NFAT5: variants seen among roughly 807,000 people sequenced by gnomAD.
The protein encoded by NFAT5 is nuclear factor of activated T cells 5, also known as nuclear factor of activated T-cells 5.
Under a neutral mutation model 166.5 loss-of-function variants are expected in NFAT5, and 31 were observed. The ratio of observed to expected loss-of-function variants is 0.19; its 90% CI spans 0.14 to 0.25. The LOEUF is 0.25. Among genes scored for constraint, NFAT5 ranks in the 10% least tolerant of loss-of-function variants. The probability of loss-of-function intolerance (pLI) is 1.00; values close to 1 mark genes in which losing one functional copy is unlikely to be tolerated. For synonymous variants in NFAT5, 612 were observed against 639.7 expected, an observed-to-expected ratio of 0.96 and a Z score of 0.65; for missense variants, 1,449 against 1,821.8, an observed-to-expected ratio of 0.80 and a Z score of 3.72.
chr16:69,626,477 C>A lies in NFAT5; in HGVS notation c.202C>A (p.Gln68Lys). 6.3e-7 allele frequency: 1 copy of A among 1,593,996 alleles called. No individual in the cohort carries two copies. Among genetic ancestry groups the A allele is most frequent in the South Asian group, 1.1e-5 (1 of 87,280 alleles). The change falls in exon 3 of 15, where the codon CAG (glutamine) becomes AAG (lysine). Residue 68 changes from glutamine to lysine, a missense_variant. By Grantham distance (53) the Gln-to-Lys change is moderately conservative. This residue lies in a region of NFAT5 where 172 missense variants were observed against 194.5 expected (regional missense o/e 0.88). Coordinates refer to ENST00000349945, the MANE Select transcript of NFAT5 (RefSeq NM_138713.4). ...AGAAACATCTGTAGCATCAATGAGT[C>A]AGACAAGCGGTGGTGAGGCAGGCTC... is the stretch of plus-strand genomic sequence containing the variant. ...SRETSVASMS[Q>K]TSGGEAGSPP...
chr16:69,608,938 G>C (rs924348526), intron 2 of NFAT5, among the ~76,000 whole-genome samples: 1 of 151,680 alleles, frequency 6.6e-6, no homozygotes, highest in Non-Finnish European at 1.5e-5. Context: ...TGGCTAACAC[G>C]GTGAAAACCC....
intron 2 of NFAT5, among the ~76,000 whole-genome samples, chr16:69,574,263 A>C (rs143416359): frequency 6.6e-6 from 1 of 152,178 alleles, no homozygotes; most frequent in Admixed American, 6.5e-5. Context: ...AAGATTATTC[A>C]GTGGCATAGG....
intron 2 of NFAT5, among the ~76,000 whole-genome samples, chr16:69,589,721 AAG>A (rs911510503): frequency 2.0e-5 from 3 of 151,804 alleles, no homozygotes; most frequent in African/African-American, 4.8e-5. Flanking sequence ...ATTTTAAAAA[AAG>A]AGAAATCCTC....
chr16:69,615,410 CAA>C (rs2033897864), intron 2 of NFAT5, among the ~76,000 whole-genome samples: 1 of 152,144 alleles, frequency 6.6e-6, no homozygotes, highest in Non-Finnish European at 1.5e-5. Flanking sequence ...TTTAGCAAAA[CAA>C]GACATTCCAG....
At chr16:69,678,476 G>A (rs943353096) in intron 10 of NFAT5, among the ~76,000 whole-genome samples, 1 of 152,070 alleles carries the variant, frequency 6.6e-6, no homozygotes, top group Non-Finnish European at 1.5e-5. Flanking sequence ...GCCTCCCAAA[G>A]TGCTGGGATT....
At chr16:69,600,788 A>G (rs2033092807) in intron 2 of NFAT5, among the ~76,000 whole-genome samples, 1 of 142,600 alleles carries the variant, frequency 7.0e-6, no homozygotes, top group African/African-American at 2.6e-5. Context: ...AAGGCTCCTG[A>G]GCTACTTTGA....
chr16:69,646,915 C>G, intron 3 of NFAT5, 113 bp from the exon 4 acceptor site: 1 of 883,996 alleles, frequency 1.1e-6, no homozygotes, highest in Non-Finnish European at 1.7e-6. Context: ...CAAATTCTGA[C>G]TATTCATTTT....
intron 11 of NFAT5, among the ~76,000 whole-genome samples, chr16:69,689,493 G>A (rs2037461939): frequency 6.6e-6 from 1 of 152,186 alleles, no homozygotes; most frequent in African/African-American, 2.4e-5. Flanking sequence ...AAATGGCTGT[G>A]AGGCAAGTTG....
intron 7 of NFAT5, among the ~76,000 whole-genome samples, chr16:69,667,056 G>A (rs1024078243): frequency 1.1e-4 from 16 of 151,478 alleles, no homozygotes; most frequent in African/African-American, 3.6e-4. Flanking sequence ...ATCACTCTCA[G>A]TAAACTATCG....
rs2037591843 is a variant in NFAT5, at chr16:69,692,598, G to A, written c.2773G>A (p.Ala925Thr). The change falls in exon 13 of 15, where the codon GCA becomes ACA. Residue 925 changes from alanine (A) to threonine (T), a missense_variant. By Grantham distance (58) the Ala-to-Thr change is moderately conservative. Transcript: ENST00000349945. ...GGAGATGCAACAGAGTATCTGCCAG[G>A]CAGCTGCCCAGATTCAGTCAGAGTT... Reference protein sequence around the residue: ...VMEMQQSICQAAAQIQSELFP... With the variant: ...VMEMQQSICQTAAQIQSELFP... The A allele has an allele frequency of 6.2e-7, 1 of 1,614,096 alleles. No individual in the cohort carries two copies. Among genetic ancestry groups the A allele is most frequent in the Admixed American group, 1.7e-5 (1 of 60,004 alleles).
At chr16:69,621,387 G>C (rs558329120) in intron 2 of NFAT5, among the ~76,000 whole-genome samples, 1 of 151,986 alleles carries the variant, frequency 6.6e-6, no homozygotes, top group Non-Finnish European at 1.5e-5. Context: ...ACTCCAAAAA[G>C]AAACCTTATC....
At chr16:69,634,643 A>G (rs2034875261) in intron 3 of NFAT5, among the ~76,000 whole-genome samples, 1 of 152,226 alleles carries the variant, frequency 6.6e-6, no homozygotes, top group Non-Finnish European at 1.5e-5. Flanking sequence ...AAAATGAATG[A>G]GAAAGCACCT....
chr16:69,660,103 T>C (rs779608262), intron 7 of NFAT5, among the ~76,000 whole-genome samples: 2 of 152,216 alleles, frequency 1.3e-5, no homozygotes, highest in Non-Finnish European at 2.9e-5. Flanking sequence ...ATGTGGAACA[T>C]TTTGTAGTTT....
chr16:69,577,736 A>T (rs1042032402), intron 2 of NFAT5, among the ~76,000 whole-genome samples: 3 of 152,160 alleles, frequency 2.0e-5, no homozygotes, highest in East Asian at 1.9e-4. Flanking sequence ...CATACTTTTT[A>T]AAAAAACTCA....
chr16:69,692,976 G>A lies in NFAT5; in HGVS notation c.3151G>A (p.Val1051Ile). Residue 1051 changes from valine (V) to isoleucine (I), a missense_variant, in exon 13 of 15, where the codon GTT becomes ATT. By Grantham distance (29) the Val-to-Ile change is conservative. Around this residue, in one of 7 missense-constraint regions of NFAT5, gnomAD observed 891 missense variants for 993.0 expected, o/e 0.90. Coordinates refer to ENST00000349945, the MANE Select transcript of NFAT5 (RefSeq NM_138713.4). ...TTCATCCACAAAAAGTATGATGAGT[G>A]TTCAGAATAGTGGTACCCAACAACA... ...LFSSTKSMMSVQNSGTQQQGN... is the reference protein window; with the variant it reads ...LFSSTKSMMSIQNSGTQQQGN... 6.2e-7 allele frequency: 1 copy of A among 1,614,128 alleles called. No individual in the cohort carries two copies. Among genetic ancestry groups the A allele is most frequent in the Non-Finnish European group, 8.5e-7 (1 of 1,180,030 alleles).
intron 10 of NFAT5, among the ~76,000 whole-genome samples, chr16:69,682,432 AC>A (rs79715784): frequency 0.18 from 24,235 of 131,704 alleles, 2,183 homozygotes; most frequent in East Asian, 0.37. Flanking sequence ...ATATAGTGAG[AC>A]CCCCCCCCCC....
At chr16:69,671,982 A>C (rs929544457) in intron 9 of NFAT5, among the ~76,000 whole-genome samples, 4 of 152,236 alleles carry the variant, frequency 2.6e-5, no homozygotes, top group African/African-American at 9.6e-5. Flanking sequence ...GTTATAAATC[A>C]CATTGTTAGA....
At chr16:69,644,099 G>A (rs1241746854) in intron 3 of NFAT5, among the ~76,000 whole-genome samples, 2 of 152,142 alleles carry the variant, frequency 1.3e-5, no homozygotes, top group South Asian at 2.1e-4. Context: ...CACCTGGGCA[G>A]CATGACAAAA....
chr16:69,587,037 C>T (rs2032112861), intron 2 of NFAT5, among the ~76,000 whole-genome samples: 1 of 152,050 alleles, frequency 6.6e-6, no homozygotes, highest in South Asian at 2.1e-4. Flanking sequence ...GGTTAAAAGG[C>T]ACTGTTAGGT....
Sources: allele counts gnomAD v4.1 joint callset (sites outside exome capture counted in the v4.1 genomes callset), GRCh38; gene constraint gnomAD v4.1.1; regional missense constraint gnomAD v4.1.1; transcripts MANE v1.5; gene names NCBI Gene and HGNC (gene_info 2026-07-23, HGNC 2026-07-21).